ROBO1: variants seen among roughly 807,000 people sequenced by gnomAD.
ROBO1 encodes the protein roundabout homolog 1.
In ROBO1, 149 loss-of-function variants were observed where a neutral mutation model predicts 195.9. The ratio of observed to expected loss-of-function variants is 0.76; its 90% CI spans 0.67 to 0.87. The LOEUF (loss-of-function observed/expected upper bound fraction) is 0.87, where lower values mean the gene tolerates loss of function less well. ROBO1 is among the 40% of genes least tolerant of loss of function. The pLI is 0.00. For synonymous variants in ROBO1, 816 were observed against 733.2 expected (o/e 1.11, Z -1.82); for missense variants, 1,933 against 2,068.3 (o/e 0.93, Z 1.27).
intron 2 of ROBO1, among the ~76,000 whole-genome samples, chr3:79,519,123 G>A (rs577286159): frequency 6.6e-5 from 10 of 152,240 alleles, no homozygotes; most frequent in Admixed American, 5.9e-4. Flanking sequence ...AAGCCCCAAT[G>A]TCTCCTCAGC....
At chr3:79,554,418 A>G (rs191539159) in intron 2 of ROBO1, among the ~76,000 whole-genome samples, 10 of 152,234 alleles carry the variant, frequency 6.6e-5, no homozygotes, top group African/African-American at 2.4e-4. Flanking sequence ...ACCTGTTTGC[A>G]ACAGATTGCA....
At chr3:78,897,130 T>C (rs2037285472) in intron 4 of ROBO1, among the ~76,000 whole-genome samples, 1 of 152,214 alleles carries the variant, frequency 6.6e-6, no homozygotes, top group Non-Finnish European at 1.5e-5. Context: ...GTGAACAGTA[T>C]CTCACCCTCC....
rs952617454 is a variant in ROBO1 at position 78,617,913 on chromosome 3, T to G, written c.4004A>C (p.Asp1335Ala). ...GGTTTGCATCTTGGCTACCTCCATGTCGGCTTCGTCTTCTTCCTCTTCTGG... is the reference window on the plus strand; with the variant it reads ...GGTTTGCATCTTGGCTACCTCCATGGCGGCTTCGTCTTCTTCCTCTTCTGG... Reference protein sequence around the residue: ...DAPEEEEDEADMEVAKMQTRR... With the variant: ...DAPEEEEDEAAMEVAKMQTRR... Residue 1335 changes from aspartate to alanine, a missense_variant, in exon 27 of 31, where the codon GAC (aspartate) becomes GCC (alanine). By Grantham distance (126) the Asp-to-Ala change is moderately radical (BLOSUM62 -2). Around this residue, in one of 3 missense-constraint regions of ROBO1, gnomAD observed 1,737 missense variants for 1,882.5 expected, o/e 0.92. Transcript: ENST00000464233. 4 of 1,613,888 alleles carry G rather than the reference T, an allele frequency of 2.5e-6. No homozygotes were observed. The highest frequency in any genetic ancestry group is 2.7e-5 in the African/African-American group (2 of 74,922).
chr3:78,790,034 C>A (rs986621003), intron 4 of ROBO1, among the ~76,000 whole-genome samples: 1 of 152,174 alleles, frequency 6.6e-6, no homozygotes, highest in South Asian at 2.1e-4. Context: ...TCCTCTATTG[C>A]AGCTTTGTCT....
chr3:79,691,945 G>T (rs1255474257), intron 1 of ROBO1, among the ~76,000 whole-genome samples: 1 of 151,844 alleles, frequency 6.6e-6, no homozygotes. Context: ...CAGCACAATT[G>T]TTTTGAATTT....
intron 2 of ROBO1, among the ~76,000 whole-genome samples, chr3:79,215,711 G>C (rs2108813327): frequency 1.3e-5 from 2 of 152,304 alleles, no homozygotes; most frequent in East Asian, 3.9e-4. Flanking sequence ...TATGATTACT[G>C]TATGTACAGA....
At chr3:79,054,360 G>A (rs185924584) in intron 3 of ROBO1, among the ~76,000 whole-genome samples, 6 of 152,226 alleles carry the variant, frequency 3.9e-5, no homozygotes, top group Admixed American at 1.3e-4. Flanking sequence ...AGATGCTGTT[G>A]AAAAATTTGT....
intron 2 of ROBO1, among the ~76,000 whole-genome samples, chr3:79,277,858 C>A: frequency 6.6e-6 from 1 of 151,352 alleles, no homozygotes; most frequent in Non-Finnish European, 1.5e-5. Flanking sequence ...AGAGGGCATC[C>A]AAATTGAAAA....
intron 4 of ROBO1, among the ~76,000 whole-genome samples, chr3:78,884,866 C>CTGTGTGTGTGTGTG (rs376764608): frequency 2.7e-3 from 397 of 147,278 alleles, no homozygotes; most frequent in African/African-American, 7.2e-3. Context: ...CTCTCTCTTT[C>CTGTGTGTGTGTGTG]TGTGTGTGTG....
chr3:79,299,646 AAAT>A (rs1307820299), intron 2 of ROBO1, among the ~76,000 whole-genome samples: 1 of 152,144 alleles, frequency 6.6e-6, no homozygotes, highest in African/African-American at 2.4e-5. Flanking sequence ...GCCTGAGATA[AAAT>A]AATAATTTTT....
chr3:79,515,436 A>G (rs555349053), intron 2 of ROBO1, among the ~76,000 whole-genome samples: 2 of 152,348 alleles, frequency 1.3e-5, no homozygotes, highest in East Asian at 3.9e-4. Context: ...TGCTTTTCAT[A>G]TAACACTTAT....
rs1249142367 is a variant in ROBO1 at position 79,575,250 on chromosome 3, AATATATATAAATATATATAACAAAT to A, written c.88+14549_88+14573del. On this transcript the variant is annotated intron_variant, in intron 2 of 30. Transcript: ENST00000464233. ...CAAATATATATAAATATATATAACA[AATATATATAAATATATATAACAAAT>A]ATATATATAAATATATATAACAAAT... Among the ~76,000 whole-genome samples, 19 of 123,934 alleles carry A rather than the reference AATATATATAAATATATATAACAAAT, an allele frequency of 1.5e-4. No individual in the cohort carries two copies. The East Asian group carries it at 1.5e-3, about 10-fold the overall frequency. 81.3% of individuals were successfully genotyped at this position (123,934 alleles called of 152,430 possible).
intron 4 of ROBO1, among the ~76,000 whole-genome samples, chr3:78,818,162 G>C (rs1279915622): frequency 6.6e-6 from 1 of 152,098 alleles, no homozygotes; most frequent in East Asian, 1.9e-4. Flanking sequence ...TAGTTAACCA[G>C]CAGTAGAGGG....
chr3:79,754,554 G>T (rs971685123), intron 1 of ROBO1, among the ~76,000 whole-genome samples: 4 of 152,170 alleles, frequency 2.6e-5, no homozygotes, highest in Non-Finnish European at 5.9e-5. Flanking sequence ...GCGAATGACC[G>T]AGCATCTCAG....
intron 2 of ROBO1, among the ~76,000 whole-genome samples, chr3:79,153,764 T>C (rs374044902): frequency 6.7e-6 from 1 of 148,188 alleles, no homozygotes; most frequent in East Asian, 2.0e-4. Flanking sequence ...ATATAAATAT[T>C]GTTTATATGT....
chr3:78,747,456 A>G (rs1416466959), intron 4 of ROBO1, among the ~76,000 whole-genome samples: 2 of 152,200 alleles, frequency 1.3e-5, no homozygotes, highest in Non-Finnish European at 2.9e-5. Flanking sequence ...AACTTTAGAC[A>G]TATCTACAAA....
At chr3:79,434,016 T>G (rs2038787796) in intron 2 of ROBO1, among the ~76,000 whole-genome samples, 1 of 152,164 alleles carries the variant, frequency 6.6e-6, no homozygotes, top group African/African-American at 2.4e-5. Flanking sequence ...TAGCCATATG[T>G]AGAAAGCTGA....
At chr3:79,007,651 C>T (rs7625043) in intron 3 of ROBO1, among the ~76,000 whole-genome samples, 150,007 of 152,352 alleles carry the variant, frequency 0.98, 73,856 homozygotes, top group East Asian at 1. Flanking sequence ...GTTTTTTAAA[C>T]TGACAAATAA....
At chr3:79,087,217 A>T (rs1028473730) in intron 3 of ROBO1, among the ~76,000 whole-genome samples, 4 of 152,176 alleles carry the variant, frequency 2.6e-5, no homozygotes, top group African/African-American at 9.6e-5. Context: ...AAAATAAATT[A>T]AAAAACAGTC....
Sources: gnomAD v4.1 joint callset for allele counts (sites outside exome capture counted in the v4.1 genomes callset) on GRCh38, gnomAD v4.1.1 for gene constraint, gnomAD v4.1.1 regional missense constraint, MANE v1.5 for transcripts, NCBI Gene and HGNC (gene_info 2026-07-23, HGNC 2026-07-21) for gene names.